TMEM165: variants seen among roughly 807,000 people sequenced by gnomAD.
The protein encoded by TMEM165 is transmembrane protein 165.
Under a neutral mutation model 30.0 loss-of-function variants are expected in TMEM165, and 19 were observed. The observed-to-expected ratio is 0.63, with a 90% CI of 0.44 to 0.93. The LOEUF is 0.93. TMEM165 is among the 40% of genes least tolerant of loss of function. The pLI is 0.00. For missense variants in TMEM165, 340 were observed against 417.0 expected (o/e 0.82, Z 1.61); for synonymous variants, 168 against 162.9 (o/e 1.03, Z -0.24).
intron 3 of TMEM165, among the ~76,000 whole-genome samples, chr4:55,446,363 ACTTCTTAG>A (rs1347458009): frequency 6.6e-6 from 1 of 151,910 alleles, no homozygotes; most frequent in Non-Finnish European, 1.5e-5. Context: ...GCCTTATTTA[ACTTCTTAG>A]CTTCATTTTT....
intron 3 of TMEM165, among the ~76,000 whole-genome samples, chr4:55,440,098 A>T (rs1157804961): frequency 6.6e-6 from 1 of 152,186 alleles, no homozygotes; most frequent in Non-Finnish European, 1.5e-5. Flanking sequence ...TATGTGGCAC[A>T]TGATTCATCT....
intron 3 of TMEM165, among the ~76,000 whole-genome samples, chr4:55,445,912 T>C (rs749650629): frequency 2.6e-5 from 4 of 152,012 alleles, no homozygotes; most frequent in Admixed American, 6.6e-5. Context: ...CTATATTCTT[T>C]AGGTTCTCTT....
At chr4:55,448,666 T>A in intron 3 of TMEM165, 1 of 649,148 alleles carries the variant, frequency 1.5e-6, no homozygotes, top group East Asian at 3.3e-5. Flanking sequence ...GCCTCCCAAG[T>A]AGCTGTGGCT....
rs1322046020 is a variant in TMEM165, at chr4:55,396,161, G to A, written c.-29G>A. On this transcript the variant is annotated 5_prime_UTR_variant, in exon 1 of 6. Transcript: ENST00000381334. ...CGTCGCCGGCACTTCCTCTTGCGGC[G>A]CCCGTGCGCGGCCGGCCCGGCAGGC... 3.0e-6 allele frequency: 4 copies of A among 1,338,642 alleles called. No homozygotes were observed. Among genetic ancestry groups the A allele is most frequent in the East Asian group, 3.2e-5 (1 of 31,628 alleles). 82.9% of individuals were successfully genotyped at this position (1,338,642 alleles called of 1,614,324 possible). A position where few individuals can be genotyped will look rare whatever the true frequency, so the allele number is the denominator to read the frequency against.
intron 3 of TMEM165, chr4:55,435,398 G>GA (rs776053328): frequency 6.2e-7 from 1 of 1,613,756 alleles, no homozygotes; most frequent in Non-Finnish European, 8.5e-7. Flanking sequence ...TTGATGTCAA[G>GA]AGAGGAAGCA....
intron 4 of TMEM165, among the ~76,000 whole-genome samples, chr4:55,420,382 G>A (rs1020897714): frequency 2.6e-5 from 4 of 151,270 alleles, no homozygotes; most frequent in Non-Finnish European, 4.4e-5. Context: ...CCCTACCTAC[G>A]AGACACCCTG....
At chr4:55,413,497 G>A (rs1455742000) in intron 2 of TMEM165, among the ~76,000 whole-genome samples, 1 of 152,102 alleles carries the variant, frequency 6.6e-6, no homozygotes, top group Non-Finnish European at 1.5e-5. Context: ...GTATGTTTTG[G>A]TAGAGATAGA....
At chr4:55,402,201 A>G (rs548980909) in intron 1 of TMEM165, among the ~76,000 whole-genome samples, 2 of 147,918 alleles carry the variant, frequency 1.4e-5, no homozygotes, top group African/African-American at 2.6e-5. Context: ...AAAAATAAAC[A>G]TTCATTAAAA....
chr4:55,402,443 T>A (rs1211855022), intron 1 of TMEM165, among the ~76,000 whole-genome samples: 11 of 37,550 alleles, frequency 2.9e-4, no homozygotes, highest in South Asian at 1.2e-3. Context: ...ATTTTTTTTT[T>A]TTTTTTTTTT....
chr4:55,435,795 T>C (rs776427175), intron 3 of TMEM165, among the ~76,000 whole-genome samples: 8 of 152,210 alleles, frequency 5.3e-5, no homozygotes, highest in South Asian at 2.1e-4. Context: ...ATGAGAGAGT[T>C]TCATTTTTTA....
At chr4:55,398,660 A>G (rs1720827432) in intron 1 of TMEM165, among the ~76,000 whole-genome samples, 1 of 152,028 alleles carries the variant, frequency 6.6e-6, no homozygotes, top group Admixed American at 6.6e-5. Context: ...GGTTCTTGCA[A>G]GTTGTGTGCG....
chr4:55,427,589 C>CGG (rs1231788983), downstream of TMEM165, among the ~76,000 whole-genome samples: 3 of 152,168 alleles, frequency 2.0e-5, no homozygotes, highest in African/African-American at 4.8e-5. Flanking sequence ...AGGTGATCCA[C>CGG]CCACCTCAGC....
At chr4:55,402,397 GTGTGTGTATATATATA>G (rs1330618976) in intron 1 of TMEM165, among the ~76,000 whole-genome samples, 18 of 22,284 alleles carry the variant, frequency 8.1e-4, no homozygotes, top group Non-Finnish European at 1.1e-3. Context: ...GCGTGTGTGT[GTGTGTGTATATATATA>G]TATATATATA....
At chr4:55,453,355 CTTAAA>C (rs1466522206) in exon 4 of TMEM165, 9 of 502,286 alleles carry the variant, frequency 1.8e-5, no homozygotes, top group East Asian at 6.4e-5. Context: ...CCACACAATA[CTTAAA>C]TTAAGAAAAA....
chr4:55,414,346 A>G (rs1178828471), intron 2 of TMEM165, among the ~76,000 whole-genome samples: 2 of 152,040 alleles, frequency 1.3e-5, no homozygotes, highest in African/African-American at 4.8e-5. Flanking sequence ...AGTGGGTTTA[A>G]CAGTCTTTAT....
intron 2 of TMEM165, among the ~76,000 whole-genome samples, chr4:55,414,465 C>T (rs1721648736): frequency 6.6e-6 from 1 of 151,114 alleles, no homozygotes; most frequent in Admixed American, 6.6e-5. Context: ...ACTTTATGTT[C>T]TGGGATACAT....
chr4:55,451,873 T>C (rs1560424691), intron 3 of TMEM165, among the ~76,000 whole-genome samples: 1 of 152,228 alleles, frequency 6.6e-6, no homozygotes, highest in South Asian at 2.1e-4. Context: ...GTTTGCATTA[T>C]TCAGTGCTGT....
intron 3 of TMEM165, among the ~76,000 whole-genome samples, chr4:55,446,420 T>G (rs1371621304): frequency 6.6e-6 from 1 of 152,196 alleles, no homozygotes; most frequent in Non-Finnish European, 1.5e-5. Context: ...CACCTGGAGT[T>G]AATTTGTATC....
Position 55,453,086 on chromosome 4 carries a change from C to G in TMEM165, c.*780C>G, listed in dbSNP as rs373421741. 9 of 1,612,614 alleles carry G rather than the reference C, an allele frequency of 5.6e-6. No homozygotes were observed. The East Asian group carries it at 6.7e-5, about 12-fold the overall frequency. Reference sequence around the variant, plus strand: ...GCAGCTGTCTCAGGAAGAGACTCTTCAATGCCAAGTTCTCGTCGTCTTTCA... The same window carrying G: ...GCAGCTGTCTCAGGAAGAGACTCTTGAATGCCAAGTTCTCGTCGTCTTTCA... On this transcript the variant is annotated 3_prime_UTR_variant, in exon 4 of 4. Coordinates refer to the TMEM165 transcript ENST00000608091.
Sources: gnomAD v4.1 joint callset for allele counts (sites outside exome capture counted in the v4.1 genomes callset) on GRCh38, gnomAD v4.1.1 for gene constraint, MANE v1.5 for transcripts, NCBI Gene and HGNC (gene_info 2026-07-23, HGNC 2026-07-21) for gene names.